Variants in MYEF2 observed in about 807,000 individuals in gnomAD.
MYEF2 encodes myelin expression factor 2, also known as myelin gene expression factor 2.
A neutral mutation model predicts 75.2 loss-of-function variants in MYEF2; 37 were observed. The ratio of observed to expected loss-of-function variants is 0.49; its 90% CI spans 0.38 to 0.65. The LOEUF (loss-of-function observed/expected upper bound fraction) is 0.65. MYEF2 is among the 30% of genes least tolerant of loss of function. The pLI, the probability that MYEF2 is intolerant of heterozygous loss-of-function variation, is 0.00. For synonymous variants in MYEF2, 195 were observed against 241.6 expected, an observed-to-expected ratio of 0.81 and a Z score of 1.79; for missense variants, 634 against 771.4, an observed-to-expected ratio of 0.82 and a Z score of 2.11.
At position 48,142,408 on chromosome 15, in the gene MYEF2, A is replaced by T. The variant is rs1005318501; in HGVS notation, c.*500T>A. On this transcript the variant is annotated 3_prime_UTR_variant, in exon 17 of 17. Transcript: ENST00000324324. ...ATGGCAGGGAGGGGCAGAGAGAAAA[A>T]TCCATTTCTTCATTTAAATCAAATT... is the stretch of plus-strand genomic sequence containing the variant. 1.7e-4 allele frequency: 213 copies of T among 1,217,488 alleles called. No individual in the cohort carries two copies. Among genetic ancestry groups the T allele is most frequent in the Non-Finnish European group, 2.2e-4 (200 of 893,172 alleles). 75.4% of individuals were successfully genotyped at this position (1,217,488 alleles called of 1,614,324 possible).
chr15:48,152,425 G>A (rs2140847307), intron 10 of MYEF2, 141 bp from the exon 11 acceptor site: 3 of 662,046 alleles, frequency 4.5e-6, no homozygotes, highest in Non-Finnish European at 5.2e-6. Context: ...CAGGAGGCAT[G>A]GTTTAAAGTG....
Position 48,153,840 on chromosome 15 carries a change from C to T in MYEF2, c.1039G>A (p.Ala347Thr). The change falls in exon 10 of 17, where the codon GCC (alanine) becomes ACC (threonine). Residue 347 changes from alanine to threonine, a missense_variant. By Grantham distance (58) the Ala-to-Thr change is moderately conservative. Transcript: ENST00000324324. ...GLGPGGQPIS[A>T]SQLNIGGVMG... Reference sequence around the variant, plus strand: ...ACTCCACCTATGTTCAACTGGCTGGCACTAATAGGCTGTCCACCCGGACCA... The same window carrying T: ...ACTCCACCTATGTTCAACTGGCTGGTACTAATAGGCTGTCCACCCGGACCA... 1 of 1,613,432 alleles carries T rather than the reference C, an allele frequency of 6.2e-7. No individual in the cohort carries two copies. Among genetic ancestry groups the T allele is most frequent in the Non-Finnish European group, 8.5e-7 (1 of 1,179,576 alleles).
rs753108233 is a variant in MYEF2 at position 48,136,812 on chromosome 15, G to C, written c.*6096C>G. The C allele has an allele frequency of 1.9e-6, 3 of 1,613,698 alleles. No individual in the cohort carries two copies. The highest frequency in any genetic ancestry group is 1.7e-6 in the Non-Finnish European group (2 of 1,179,852). On this transcript the variant is annotated 3_prime_UTR_variant, in exon 17 of 17. Transcript: ENST00000324324. ...GCGCCTGTCTTGCCAAAGCTATGGA[G>C]AGAAGTGAACAACAGCCACTGATGG...
intron 5 of MYEF2, among the ~76,000 whole-genome samples, chr15:48,161,561 T>C (rs2140896359): frequency 6.6e-6 from 1 of 151,736 alleles, no homozygotes; most frequent in South Asian, 2.1e-4. Context: ...AAGTTAAAAA[T>C]GGCGGCATCC....
Position 48,136,616 on chromosome 15 carries a change from C to A in MYEF2, c.*6292G>T. ...TTAGAAAATCATTCAATAGATACTG[C>A]CCAAAAGCTATCAACTCTAAAATGA... On this transcript the variant is annotated 3_prime_UTR_variant, in exon 17 of 17. Transcript: ENST00000324324. The A allele has an allele frequency of 7.1e-7, 1 of 1,406,244 alleles. No homozygotes were observed. Among genetic ancestry groups the A allele is most frequent in the Non-Finnish European group, 9.7e-7 (1 of 1,029,106 alleles). The allele number at this position is 1,406,244 out of a possible 1,614,324, so 87.1% of individuals were successfully genotyped here. A position where few individuals can be genotyped will look rare whatever the true frequency, so the allele number is the denominator to read the frequency against.
At chr15:48,158,295 ATAATCT>A in intron 7 of MYEF2, 71 bp from the exon 8 acceptor site, 2 of 1,425,880 alleles carry the variant, frequency 1.4e-6, no homozygotes, top group Non-Finnish European at 2.0e-6. Context: ...CTAATTTTTA[ATAATCT>A]TAGAGTCCAA....
At chr15:48,143,142 T>A in intron 16 of MYEF2, 71 bp from the exon 17 acceptor site, 1 of 971,748 alleles carries the variant, frequency 1.0e-6, no homozygotes, top group South Asian at 3.1e-5. Flanking sequence ...GGTTTGAAAT[T>A]CCTCATAGCC....
chr15:48,164,671 A>G (rs1392180823), intron 5 of MYEF2, among the ~76,000 whole-genome samples: 1 of 152,194 alleles, frequency 6.6e-6, no homozygotes, highest in Non-Finnish European at 1.5e-5. Flanking sequence ...TCTTAATTTA[A>G]GAAATTGCAA....
In MYEF2 at chr15:48,139,234, T is replaced by G; in HGVS notation, c.*3674A>C. ...AATATTCATATAAGAACAAATTGCATATGTTCACTCAAAGTAGTCTAGCTA... is the reference window on the plus strand; with the variant it reads ...AATATTCATATAAGAACAAATTGCAGATGTTCACTCAAAGTAGTCTAGCTA... On this transcript the variant is annotated 3_prime_UTR_variant, in exon 17 of 17. Coordinates refer to ENST00000324324, the MANE Select transcript of MYEF2 (RefSeq NM_016132.5). 7.0e-7 allele frequency: 1 copy of G among 1,422,818 alleles called. No individual in the cohort carries two copies. The highest frequency in any genetic ancestry group is 1.2e-5 in the South Asian group (1 of 83,686). 88.1% of individuals were successfully genotyped at this position (1,422,818 alleles called of 1,614,324 possible).
At chr15:48,175,704 CTAATA>C (rs1567280438) in intron 1 of MYEF2, among the ~76,000 whole-genome samples, 1 of 151,998 alleles carries the variant, frequency 6.6e-6, no homozygotes, top group African/African-American at 2.4e-5. Context: ...TTATAGTACC[CTAATA>C]TAACTCTCAA....
At position 48,141,920 on chromosome 15, in the gene MYEF2, C is replaced by A; in HGVS notation, c.*988G>T. ...GACTTTTGCTCTAACAACAATTTTT[C>A]AAAACGAATCAACAACAAAAAAGTA... On this transcript the variant is annotated 3_prime_UTR_variant, in exon 17 of 17. Transcript: ENST00000324324. The A allele has an allele frequency of 1.2e-6, 1 of 842,952 alleles. No individual in the cohort carries two copies. Among genetic ancestry groups the A allele is most frequent in the Non-Finnish European group, 1.7e-6 (1 of 571,722 alleles). 52.2% of individuals were successfully genotyped at this position (842,952 alleles called of 1,614,324 possible).
At position 48,136,665 on chromosome 15, in the gene MYEF2, C is replaced by G; in HGVS notation, c.*6243G>C. Reference sequence around the variant, plus strand: ...GACTTTCACTTTTAATTTAAAAACACAAATTTCTCTTTTGTAGGTATGAAG... The same window carrying G: ...GACTTTCACTTTTAATTTAAAAACAGAAATTTCTCTTTTGTAGGTATGAAG... On this transcript the variant is annotated 3_prime_UTR_variant, in exon 17 of 17. Coordinates refer to ENST00000324324, the MANE Select transcript of MYEF2 (RefSeq NM_016132.5). The G allele has an allele frequency of 3.2e-6, 5 of 1,573,020 alleles. No individual in the cohort carries two copies. The highest frequency in any genetic ancestry group is 1.2e-5 in the South Asian group (1 of 84,498).
In MYEF2 at chr15:48,135,118, A is replaced by G; in HGVS notation, c.*7790T>C. On this transcript the variant is annotated 3_prime_UTR_variant, in exon 17 of 17. Coordinates refer to ENST00000324324, the MANE Select transcript of MYEF2 (RefSeq NM_016132.5). ...TATACCATATTCCAACAGGTCTGTG[A>G]GTTAACCTCATCACAATTGCTGATT... 2 of 614,598 alleles carry G rather than the reference A, an allele frequency of 3.3e-6. No individual in the cohort carries two copies. The highest frequency in any genetic ancestry group is 5.7e-6 in the Non-Finnish European group (2 of 350,750). The allele number at this position is 614,598 out of a possible 1,614,324, so 38.1% of individuals were successfully genotyped here. A position where few individuals can be genotyped will look rare whatever the true frequency, so the allele number is the denominator to read the frequency against.
intron 9 of MYEF2, chr15:48,154,106 A>C: frequency 2.2e-6 from 1 of 450,894 alleles, no homozygotes; most frequent in Non-Finnish European, 4.0e-6. Context: ...TTTATGAAAT[A>C]AAACATGATA....
chr15:48,175,789 C>T (rs1440286166), intron 1 of MYEF2, among the ~76,000 whole-genome samples: 1 of 152,030 alleles, frequency 6.6e-6, no homozygotes, highest in Admixed American at 6.6e-5. Context: ...TGCTCTTTTC[C>T]CTCCTATTCA....
In MYEF2 at chr15:48,149,328, C is replaced by G; in HGVS notation, c.1422G>C (p.Gly474=). 4 of 1,613,146 alleles carry G rather than the reference C, an allele frequency of 2.5e-6. No individual in the cohort carries two copies. Among genetic ancestry groups the G allele is most frequent in the Non-Finnish European group, 3.4e-6 (4 of 1,179,342 alleles). ...GSMNSVTGGM[G]MGLDRMSSSF... is the part of the protein sequence containing the mutation. Reference sequence around the variant, plus strand: ...TGGAACTCATCCGGTCCAGTCCCATCCCCATTCCTCCAGTCACACTGTTCA... The same window carrying G: ...TGGAACTCATCCGGTCCAGTCCCATGCCCATTCCTCCAGTCACACTGTTCA... Residue 474 remains glycine (G), a synonymous_variant, in exon 15 of 17, where the codon GGG becomes GGC. Transcript: ENST00000324324. This position sits in a 1 kb window ranked among gnomAD's most constrained non-coding sequence, Gnocchi z 4.0.
intron 6 of MYEF2, 95 bp from the exon 7 acceptor site, chr15:48,159,017 G>T: frequency 9.4e-7 from 1 of 1,059,364 alleles, no homozygotes; most frequent in Non-Finnish European, 1.4e-6. Flanking sequence ...AAACCATAAA[G>T]AACCATAATT....
Position 48,142,275 on chromosome 15 carries a change from T to G in MYEF2, c.*633A>C, listed in dbSNP as rs1305933402. The G allele has an allele frequency of 6.2e-7, 1 of 1,613,666 alleles. No individual in the cohort carries two copies. Among genetic ancestry groups the G allele is most frequent in the South Asian group, 1.1e-5 (1 of 91,068 alleles). On this transcript the variant is annotated 3_prime_UTR_variant, in exon 17 of 17. Coordinates refer to ENST00000324324, the MANE Select transcript of MYEF2 (RefSeq NM_016132.5). ...GGAATAGTCTGCCTATTATCATACT[T>G]GGGGCTTGCTACATTATCAGTTCTA...
intron 9 of MYEF2, chr15:48,154,104 A>G (rs1383125508): frequency 6.7e-6 from 3 of 450,960 alleles, no homozygotes; most frequent in East Asian, 7.2e-5. Flanking sequence ...GTTTTATGAA[A>G]TAAAACATGA....
Sources: allele counts gnomAD v4.1 joint callset (sites outside exome capture counted in the v4.1 genomes callset), GRCh38; gene constraint gnomAD v4.1.1; non-coding constraint Gnocchi (gnomAD v3.1); transcripts MANE v1.5; gene names NCBI Gene and HGNC (gene_info 2026-07-23, HGNC 2026-07-21).